Variants in CYP4F8 observed in about 807,000 individuals in gnomAD.
CYP4F8 encodes cytochrome P450 4F8.
Under a neutral mutation model 55.0 loss-of-function variants are expected in CYP4F8, and 56 were observed. The observed-to-expected ratio is 1.02, with a 90% CI of 0.82 to 1.27. The LOEUF (loss-of-function observed/expected upper bound fraction) is 1.27, where lower values mean the gene tolerates loss of function less well. Ranked by LOEUF, CYP4F8 falls within the 50% of genes most tolerant of loss-of-function variation. CYP4F8 has a pLI of 0.00. For synonymous variants in CYP4F8, 288 were observed against 267.3 expected (o/e 1.08, Z -0.76); for missense variants, 680 against 682.4 (o/e 1.00, Z 0.04).
At chr19:15,620,686 C>T (rs1972182271) in intron 5 of CYP4F8, among the ~76,000 whole-genome samples, 1 of 152,154 alleles carries the variant, frequency 6.6e-6, no homozygotes, top group East Asian at 1.9e-4. Flanking sequence ...GCTGCTGCAC[C>T]CAGTCAACTT....
At chr19:15,622,732 C>A (rs543916975) in intron 6 of CYP4F8, 86 of 384,118 alleles carry the variant, frequency 2.2e-4, no homozygotes, top group African/African-American at 1.7e-3. Flanking sequence ...ATGGTCAGTA[C>A]TGAGCTTGGA....
intron 3 of CYP4F8, 50 bp downstream of exon 3, chr19:15,618,194 T>A: frequency 6.2e-7 from 1 of 1,613,364 alleles, no homozygotes; most frequent in Non-Finnish European, 8.5e-7. Context: ...ATTGGAGGGC[T>A]TCTAGATCTC....
intron 5 of CYP4F8, among the ~76,000 whole-genome samples, chr19:15,621,281 C>G (rs1972190573): frequency 6.6e-6 from 1 of 152,164 alleles, no homozygotes; most frequent in Non-Finnish European, 1.5e-5. Flanking sequence ...GTGGCTCATG[C>G]TTGTAATCCC....
chr19:15,625,166 A>T (rs1159273137), intron 9 of CYP4F8, among the ~76,000 whole-genome samples: 1 of 151,618 alleles, frequency 6.6e-6, no homozygotes, highest in East Asian at 1.9e-4. Context: ...TAAAAGTTTA[A>T]CATTTTATCA....
intron 9 of CYP4F8, among the ~76,000 whole-genome samples, chr19:15,626,989 A>C (rs978982956): frequency 2.0e-5 from 3 of 152,134 alleles, no homozygotes; most frequent in Non-Finnish European, 4.4e-5. Context: ...TTCCTTTAGC[A>C]GATGTTAAGT....
Position 15,619,707 on chromosome 19 carries a change from T to C in CYP4F8, c.470T>C (p.Phe157Ser). ...HRRLLTPAFH[F>S]NILKPYIKIF... The stretch of plus-strand genomic sequence containing the variant: ...CGCTTGCTGACGCCTGCCTTCCATT[T>C]CAACATCCTGAAGCCCTATATAAAG... The change falls in exon 5 of 13, where the codon TTC becomes TCC. Residue 157 changes from phenylalanine (F) to serine (S), a missense_variant. Transcript: ENST00000612078. The C allele has an allele frequency of 1.2e-6, 2 of 1,614,232 alleles. No individual in the cohort carries two copies. The highest frequency in any genetic ancestry group is 1.7e-6 in the Non-Finnish European group (2 of 1,180,042).
intron 8 of CYP4F8, 64 bp from the exon 9 acceptor site, chr19:15,623,901 G>A: frequency 1.2e-6 from 2 of 1,602,214 alleles, no homozygotes; most frequent in Non-Finnish European, 1.7e-6. Context: ...CAATGTATGG[G>A]CGCTGTCCAC....
At chr19:15,619,390 G>A (rs1568382299) in intron 3 of CYP4F8, 100 bp from the exon 4 acceptor site, 1 of 1,434,046 alleles carries the variant, frequency 7.0e-7, no homozygotes. Flanking sequence ...GCTGGGCTTG[G>A]AGAAAAGACG....
Position 15,615,823 on chromosome 19 carries a change from C to G in CYP4F8, c.198+9C>G. Reference sequence around the variant, plus strand: ...TGGGTCACCTGGGCCTGGTGAGTGGCAGGAGGATGGATCTAGTGTCTCAGG... The same window carrying G: ...TGGGTCACCTGGGCCTGGTGAGTGGGAGGAGGATGGATCTAGTGTCTCAGG... On this transcript the variant is annotated intron_variant, in intron 2 of 12. Transcript: ENST00000612078. 1 of 1,605,088 alleles carries G rather than the reference C, an allele frequency of 6.2e-7. No individual in the cohort carries two copies. Among genetic ancestry groups the G allele is most frequent in the South Asian group, 1.1e-5 (1 of 89,794 alleles).
chr19:15,616,210 CCTCA>C (rs1364928114), intron 2 of CYP4F8, among the ~76,000 whole-genome samples: 4 of 137,194 alleles, frequency 2.9e-5, no homozygotes, highest in African/African-American at 8.2e-5. Flanking sequence ...TCATTCCTCT[CCTCA>C]CTCACTCATT....
At chr19:15,626,605 A>ATATCTACTATCTATC (rs532590274) in intron 9 of CYP4F8, among the ~76,000 whole-genome samples, 98 of 146,948 alleles carry the variant, frequency 6.7e-4, no homozygotes, top group Non-Finnish European at 9.6e-4. Flanking sequence ...ATTGTTCTGG[A>ATATCTACTATCTATC]TATCTATCTA....
At position 15,619,711 on chromosome 19, in the gene CYP4F8, C is replaced by T. The variant is rs761189028; in HGVS notation, c.474C>T (p.Asn158=). ...RRLLTPAFHF[N]ILKPYIKIFS... ...TGCTGACGCCTGCCTTCCATTTCAA[C>T]ATCCTGAAGCCCTATATAAAGATTT... is the stretch of plus-strand genomic sequence containing the variant. The change falls in exon 5 of 13, where the codon AAC becomes AAT. Residue 158 remains asparagine, a synonymous_variant. Coordinates refer to ENST00000612078, the MANE Select transcript of CYP4F8 (RefSeq NM_007253.4). 2 of 1,611,796 alleles carry T rather than the reference C, an allele frequency of 1.2e-6. No homozygotes were observed. Among genetic ancestry groups the T allele is most frequent in the South Asian group, 2.2e-5 (2 of 91,056 alleles).
Position 15,624,065 on chromosome 19 carries a change from G to A in CYP4F8, c.1086G>A (p.Leu362=). 1.2e-6 allele frequency: 2 copies of A among 1,614,182 alleles called. No individual in the cohort carries two copies. The highest frequency in any genetic ancestry group is 3.3e-5 in the Admixed American group (2 of 60,026). ...GCCGGCAGGAGGTGCAAGAGCTTCT[G>A]AAGGACCGTGAGCCTAAAGAGATTG... ...ERCRQEVQEL[L]KDREPKEIEW... Residue 362 remains leucine (L), a synonymous_variant, in exon 9 of 13, where the codon CTG becomes CTA. Coordinates refer to ENST00000612078, the MANE Select transcript of CYP4F8 (RefSeq NM_007253.4).
In CYP4F8 at chr19:15,615,765, GT is replaced by G; in HGVS notation, c.152del (p.Phe51SerfsTer24). 1 of 1,614,002 alleles carries G rather than the reference GT, an allele frequency of 6.2e-7. No homozygotes were observed. Among genetic ancestry groups the G allele is most frequent in the Non-Finnish European group, 8.5e-7 (1 of 1,179,932 alleles). Reference protein sequence around the residue: ...AFYHNGRRLRCFPQPRKQNWF... With the variant: ...AFYHNGRRLRXFPQPRKQNWF... Reference sequence around the variant, plus strand: ...TATCACAACGGCCGCCGCCTCCGGTGTTTCCCGCAGCCCCGGAAACAGAACT... The same window carrying G: ...TATCACAACGGCCGCCGCCTCCGGTGTTCCCGCAGCCCCGGAAACAGAACT... On this transcript the variant is annotated frameshift_variant, in exon 2 of 13. Transcript: ENST00000612078. LOFTEE classifies it high-confidence loss of function.
chr19:15,621,387 G>T (rs781213688), intron 5 of CYP4F8, among the ~76,000 whole-genome samples: 1 of 152,150 alleles, frequency 6.6e-6, no homozygotes, highest in South Asian at 2.1e-4. Context: ...TTAGCAGGGC[G>T]TGGTGGTGCG....
At chr19:15,615,515 C>G in intron 1 of CYP4F8, 101 bp from the exon 2 acceptor site, 1 of 1,334,054 alleles carries the variant, frequency 7.5e-7, no homozygotes, top group Non-Finnish European at 1.0e-6. Context: ...CCTGAATCTC[C>G]CTCCATGCTC....
rs1972311074 is a variant in CYP4F8 at position 15,629,618 on chromosome 19, A to G, written c.*260A>G. Reference sequence around the variant, plus strand: ...GGGTGGGATCTCCCAGAGTCTAAGTAAAGACTTTTTCCCCCCCAAAATAAT... The same window carrying G: ...GGGTGGGATCTCCCAGAGTCTAAGTGAAGACTTTTTCCCCCCCAAAATAAT... On this transcript the variant is annotated 3_prime_UTR_variant, in exon 13 of 13. Coordinates refer to ENST00000612078, the MANE Select transcript of CYP4F8 (RefSeq NM_007253.4). The G allele has an allele frequency of 2.4e-6, 1 of 418,878 alleles. No individual in the cohort carries two copies. The highest frequency in any genetic ancestry group is 4.1e-5 in the Admixed American group (1 of 24,454). 25.9% of individuals were successfully genotyped at this position (418,878 alleles called of 1,614,324 possible).
At chr19:15,619,607 T>G (rs762167361) in intron 4 of CYP4F8, 28 bp from the exon 5 acceptor site, 1 of 1,614,194 alleles carries the variant, frequency 6.2e-7, no homozygotes, top group South Asian at 1.1e-5. Flanking sequence ...ATTCTGCCCT[T>G]GCCCACAGCC....
rs367977820 is a variant in CYP4F8 at position 15,628,305 on chromosome 19, C to A, written c.1119C>A (p.Asp373Glu). 1.9e-5 allele frequency: 30 copies of A among 1,613,870 alleles called. No homozygotes were observed. Among genetic ancestry groups the A allele is most frequent in the African/African-American group, 1.6e-4 (12 of 74,872 alleles). The change falls in exon 10 of 13, where the codon GAC (aspartate) becomes GAA (glutamate). Residue 373 changes from aspartate (D) to glutamate (E), a missense_variant. Transcript: ENST00000612078. ...TAATTGTTGGGTGTTTCCTTAGGGA[C>A]GACCTGGCCCAGTTGCCCTTCCTGA... ...KDREPKEIEW[D>E]DLAQLPFLTM...
Sources: allele counts gnomAD v4.1 joint callset (sites outside exome capture counted in the v4.1 genomes callset), GRCh38; gene constraint gnomAD v4.1.1; transcripts MANE v1.5; gene names NCBI Gene and HGNC (gene_info 2026-07-23, HGNC 2026-07-21).